The following SDHA variants were observed in gnomAD, a reference collection of about 807,000 sequenced individuals.
SDHA encodes the protein succinate dehydrogenase [ubiquinone] flavoprotein subunit, mitochondrial.
Under a neutral mutation model 78.4 loss-of-function variants are expected in SDHA, and 48 were observed. That is an observed-to-expected ratio of 0.61 (90% confidence interval 0.49 to 0.78). SDHA has a LOEUF of 0.78. Among genes scored for constraint, SDHA ranks in the 30% least tolerant of loss-of-function variants. The pLI, the probability that SDHA is intolerant of heterozygous loss-of-function variation, is 0.00. For synonymous variants in SDHA, 326 were observed against 353.9 expected (o/e 0.92, Z 0.88); for missense variants, 680 against 892.7 (o/e 0.76, Z 3.04).
At chr5:262,515 C>G in the SDHA span, among the ~76,000 whole-genome samples, 5 of 151,298 alleles carry the variant, frequency 3.3e-5, no homozygotes, top group African/African-American at 9.8e-5. Context: ...TGCGAAGGAT[C>G]TAGGTTATGC....
At chr5:228,849 C>G (rs922889805) in intron 6 of SDHA, among the ~76,000 whole-genome samples, 38 of 151,748 alleles carry the variant, frequency 2.5e-4, no homozygotes, top group African/African-American at 8.9e-4. Context: ...TTTTCCAAAC[C>G]ATATGTGTAA....
chr5:256,091 A>G (rs1247508472), intron 14 of SDHA, among the ~76,000 whole-genome samples: 1 of 152,230 alleles, frequency 6.6e-6, no homozygotes, highest in African/African-American at 2.4e-5. Flanking sequence ...GGGATGTTCA[A>G]CCTATATAAA....
intron 6 of SDHA, among the ~76,000 whole-genome samples, chr5:228,890 AAAACCCTACTAAAAACAACCTACT>A: frequency 6.6e-6 from 1 of 152,296 alleles, no homozygotes; most frequent in Non-Finnish European, 1.5e-5. Flanking sequence ...TAGCAAAAAA[AAAACCCTACTAAAAACAACCTACT>A]AAACCCTACT....
chr5:242,044 T>C (rs1014296248), intron 11 of SDHA, among the ~76,000 whole-genome samples: 7 of 152,238 alleles, frequency 4.6e-5, no homozygotes, highest in African/African-American at 1.7e-4. Context: ...TCTTGGTGCC[T>C]GCTGTATCCC....
intron 5 of SDHA, 66 bp downstream of exon 5, chr5:226,113 A>G: frequency 6.4e-7 from 1 of 1,571,806 alleles, no homozygotes; most frequent in South Asian, 1.1e-5. Flanking sequence ...ACAGTGGGGA[A>G]TGGGTTAGCG....
At chr5:223,825 T>A (rs1734850215) in intron 2 of SDHA, among the ~76,000 whole-genome samples, 1 of 152,152 alleles carries the variant, frequency 6.6e-6, no homozygotes, top group African/African-American at 2.4e-5. Flanking sequence ...AAGCAATAAA[T>A]TAAAATAAAA....
Position 251,010 on chromosome 5 carries a change from G to A in SDHA, c.1570G>A (p.Ala524Thr). ...GCCACAGTCAATGCAAAATCATGCT[G>A]CCGTGTTCCGTGTGGGAAGCGTGTT... ...SMQKSMQNHAAVFRVGSVLQE... is the reference protein window; with the variant it reads ...SMQKSMQNHATVFRVGSVLQE... The change falls in exon 12 of 15, where the codon GCC becomes ACC. Residue 524 changes from alanine (A) to threonine (T), a missense_variant. Transcript: ENST00000264932. The A allele has an allele frequency of 6.2e-7, 1 of 1,611,960 alleles. No individual in the cohort carries two copies. Among genetic ancestry groups the A allele is most frequent in the East Asian group, 2.2e-5 (1 of 44,886 alleles).
chr5:225,991 T>G lies in SDHA; in HGVS notation c.565T>G (p.Cys189Gly). Residue 189 changes from cysteine to glycine, a missense_variant, in exon 5 of 15, where the codon TGC becomes GGC. Transcript: ENST00000264932. The part of the protein sequence containing the change: ...KFGKGGQAHR[C>G]CCVADRTGHS... ...TGGAAAGGGCGGGCAGGCCCATCGG[T>G]GCTGCTGTGTGGCTGATCGGACTGG... The G allele has an allele frequency of 6.2e-7, 1 of 1,614,178 alleles. No individual in the cohort carries two copies. The highest frequency in any genetic ancestry group is 8.5e-7 in the Non-Finnish European group (1 of 1,180,044).
downstream of SDHA, among the ~76,000 whole-genome samples, chr5:259,631 T>C (rs1399828976): frequency 1.6e-4 from 2 of 12,890 alleles, no homozygotes; most frequent in Non-Finnish European, 1.3e-4. Context: ...CCGCCTCCCG[T>C]CCGAGCATTA....
chr5:235,124 A>G lies in SDHA; in HGVS notation c.1065-20A>G. On this transcript the variant is annotated intron_variant, in intron 8 of 14. Transcript: ENST00000264932. ...CCGTTGCCGTTCTCTGCCGTATGTGATGGTGTTCTGTCTTACCAGAGGCTG... is the reference window on the plus strand; with the variant it reads ...CCGTTGCCGTTCTCTGCCGTATGTGGTGGTGTTCTGTCTTACCAGAGGCTG... The G allele has an allele frequency of 1.2e-6, 2 of 1,612,592 alleles. No individual in the cohort carries two copies. Among genetic ancestry groups the G allele is most frequent in the Non-Finnish European group, 1.7e-6 (2 of 1,178,630 alleles).
chr5:233,259 G>T (rs966993659), intron 7 of SDHA, among the ~76,000 whole-genome samples: 2 of 152,140 alleles, frequency 1.3e-5, no homozygotes, highest in African/African-American at 4.8e-5. Flanking sequence ...TGGGGACACC[G>T]CTCTGCCCCA....
intron 9 of SDHA, 96 bp downstream of exon 9, chr5:235,435 G>A (rs1735718221): frequency 1.7e-6 from 2 of 1,190,758 alleles, no homozygotes; most frequent in African/African-American, 1.5e-5. Flanking sequence ...GGAAAAGATA[G>A]ATGTTTCCTT....
chr5:263,502 C>T, the SDHA span, among the ~76,000 whole-genome samples: 6 of 152,156 alleles, frequency 3.9e-5, no homozygotes, highest in African/African-American at 1.2e-4. Context: ...ATGCCTCCTA[C>T]GTGACGGAAA....
the SDHA span, among the ~76,000 whole-genome samples, chr5:266,482 C>T: frequency 6.6e-6 from 1 of 151,988 alleles, no homozygotes; most frequent in Non-Finnish European, 1.5e-5. Context: ...AGTGGGTGGT[C>T]TGGAAATGTA....
At chr5:243,307 T>G (rs1404979302) in intron 11 of SDHA, among the ~76,000 whole-genome samples, 1 of 152,168 alleles carries the variant, frequency 6.6e-6, no homozygotes, top group East Asian at 1.9e-4. Context: ...TGTTGTTGTT[T>G]CCAGTCGGAT....
rs1044570438 is a variant in SDHA, at chr5:230,211, A to T, written c.771-665A>T. On this transcript the variant is annotated intron_variant, in intron 6 of 14. Transcript: ENST00000264932. Reference sequence around the variant, plus strand: ...ACCATAAATATATAGTTTTTTTTTTAAATTCATCAATCATACCTCAGTAAA... The same window carrying T: ...ACCATAAATATATAGTTTTTTTTTTTAATTCATCAATCATACCTCAGTAAA... Among the ~76,000 whole-genome samples the T allele has an allele frequency of 1.6e-4, 25 of 152,006 alleles. 1 individual carries two copies. The South Asian group carries it at 2.3e-3, about 14-fold the overall frequency.
At chr5:225,657 C>T (rs1734973808) in intron 4 of SDHA, 95 bp downstream of exon 4, 2 of 1,554,516 alleles carry the variant, frequency 1.3e-6, no homozygotes, top group Non-Finnish European at 1.8e-6. Flanking sequence ...GATGTGGCAG[C>T]CAAAAGAATG....
intron 11 of SDHA, among the ~76,000 whole-genome samples, chr5:247,486 G>A (rs1736534152): frequency 1.3e-5 from 2 of 152,176 alleles, no homozygotes; most frequent in Admixed American, 6.5e-5. Context: ...AATGCCTCTG[G>A]TCTCAAACGC....
chr5:225,084 T>G (rs909272107), intron 3 of SDHA, among the ~76,000 whole-genome samples: 1 of 152,204 alleles, frequency 6.6e-6, no homozygotes, highest in Non-Finnish European at 1.5e-5. Context: ...AAAGATTTGT[T>G]GAGTACCTTT....
Sources: gnomAD v4.1 joint callset for allele counts (sites outside exome capture counted in the v4.1 genomes callset) on GRCh38, gnomAD v4.1.1 for gene constraint, MANE v1.5 for transcripts, NCBI Gene and HGNC (gene_info 2026-07-23, HGNC 2026-07-21) for gene names.